The following MYSM1 variants were observed in gnomAD, a reference collection of about 807,000 sequenced individuals.
MYSM1 encodes Myb like, SWIRM and MPN domains 1, also known as deubiquitinase MYSM1.
In MYSM1, 51 loss-of-function variants were observed where a neutral mutation model predicts 116.0. The ratio of observed to expected loss-of-function variants is 0.44; its 90% CI spans 0.35 to 0.56. The LOEUF (loss-of-function observed/expected upper bound fraction) is 0.56, where lower values mean the gene tolerates loss of function less well. Ranked by LOEUF, MYSM1 falls within the 20% of genes least tolerant of loss-of-function variation. The pLI is 0.00. For missense variants in MYSM1, 900 were observed against 974.9 expected, an observed-to-expected ratio of 0.92 and a Z score of 1.02; for synonymous variants, 313 against 315.2, an observed-to-expected ratio of 0.99 and a Z score of 0.07.
At chr1:58,690,199 T>C (rs1644884094) in intron 5 of MYSM1, 27 bp downstream of exon 5, 1 of 1,467,912 alleles carries the variant, frequency 6.8e-7, no homozygotes, top group South Asian at 1.4e-5. Context: ...GAAAACAGAT[T>C]TATAAATATA....
intron 12 of MYSM1, among the ~76,000 whole-genome samples, chr1:58,671,139 G>A (rs558130313): frequency 1.6e-4 from 24 of 152,254 alleles, no homozygotes; most frequent in South Asian, 8.3e-4. Flanking sequence ...ACTTGACAGC[G>A]TGAGCAAGTT....
intron 10 of MYSM1, among the ~76,000 whole-genome samples, chr1:58,674,949 A>G (rs939714623): frequency 2.0e-5 from 3 of 151,724 alleles, no homozygotes; most frequent in Non-Finnish European, 2.9e-5. Flanking sequence ...AAAAGAAAAA[A>G]AAAGTGTTGG....
intron 1 of MYSM1, among the ~76,000 whole-genome samples, chr1:58,699,328 A>G (rs1314060110): frequency 6.6e-6 from 1 of 152,208 alleles, no homozygotes; most frequent in Non-Finnish European, 1.5e-5. Context: ...ATGCTAAAGC[A>G]TATCTCATAA....
intron 16 of MYSM1, 22 bp downstream of exon 16, chr1:58,667,015 GA>G (rs1437152205): frequency 6.7e-7 from 1 of 1,494,702 alleles, no homozygotes; most frequent in Admixed American, 1.8e-5. Context: ...ACCATTTACA[GA>G]ATATAAATAT....
intron 1 of MYSM1, among the ~76,000 whole-genome samples, chr1:58,697,256 C>G (rs1038256990): frequency 1.5e-5 from 2 of 137,286 alleles, no homozygotes; most frequent in African/African-American, 5.4e-5. Context: ...GTGAAGAGAT[C>G]TGGTGGGGAA....
intron 8 of MYSM1, 87 bp from the exon 9 acceptor site, chr1:58,677,143 T>C (rs1644666765): frequency 1.7e-6 from 2 of 1,209,664 alleles, no homozygotes; most frequent in African/African-American, 1.5e-5. Context: ...ATTTGAAATA[T>C]CTCTAAATTT....
In MYSM1 at chr1:58,690,260, T is replaced by C. The variant is rs1305636450; in HGVS notation, c.297-11A>G. ...GCTGTTTTCTGCAGACTGCATCACATGAAAAAAGAAAATAAGGAAGCGTGT... is the reference window on the plus strand; with the variant it reads ...GCTGTTTTCTGCAGACTGCATCACACGAAAAAAGAAAATAAGGAAGCGTGT... On this transcript the variant is annotated splice_polypyrimidine_tract_variant and intron_variant, in intron 4 of 19. Transcript: ENST00000472487. 2 of 1,574,296 alleles carry C rather than the reference T, an allele frequency of 1.3e-6. No individual in the cohort carries two copies. The highest frequency in any genetic ancestry group is 1.7e-6 in the Non-Finnish European group (2 of 1,163,698).
At chr1:58,687,068 G>C (rs566860983) in intron 6 of MYSM1, among the ~76,000 whole-genome samples, 1 of 151,874 alleles carries the variant, frequency 6.6e-6, no homozygotes, top group Non-Finnish European at 1.5e-5. Flanking sequence ...AAGGAAAAAA[G>C]CCTTTCTTCA....
chr1:58,682,939 C>T (rs1219593993), intron 7 of MYSM1, among the ~76,000 whole-genome samples: 1 of 152,130 alleles, frequency 6.6e-6, no homozygotes, highest in Non-Finnish European at 1.5e-5. Context: ...TTGTGATGCA[C>T]CTGCCTCGGC....
At position 58,695,316 on chromosome 1, in the gene MYSM1, A is replaced by T. The variant is rs941783504; in HGVS notation, c.69-109T>A. 7.0e-5 allele frequency: 39 copies of T among 557,888 alleles called. No homozygotes were observed. In the Admixed American group the frequency reaches 9.7e-4, roughly 14 times the overall value. 34.6% of individuals were successfully genotyped at this position (557,888 alleles called of 1,614,324 possible). ...TAGTAAGGGAACTAAGCAAATACTT[A>T]GTTCCCTTCTCCCCTTAACAAACAG... is the stretch of plus-strand genomic sequence containing the variant. On this transcript the variant is annotated intron_variant, in intron 1 of 19. Transcript: ENST00000472487.
rs753396816 is a variant in MYSM1 at position 58,655,081 on chromosome 1, CAT to C, written c.*4914_*4915del. On this transcript the variant is annotated 3_prime_UTR_variant, in exon 20 of 20. Transcript: ENST00000472487. ...GCAACAAGTTTATCAATAACCATGC[CAT>C]ATGTTTAGTAACTAACTTACTTATA... The C allele has an allele frequency of 3.5e-4, 54 of 152,226 alleles. No individual in the cohort carries two copies. The highest frequency in any genetic ancestry group is 1.7e-3 in the Admixed American group (26 of 15,296). The allele number at this position is 152,226 out of a possible 1,614,324, so 9.4% of individuals were successfully genotyped here.
rs1229725745 is a variant in MYSM1, at chr1:58,658,342, T to C, written c.*1655A>G. 6.6e-6 allele frequency: 1 copy of C among 152,168 alleles called. No homozygotes were observed. Among genetic ancestry groups the C allele is most frequent in the Non-Finnish European group, 1.5e-5 (1 of 68,030 alleles). 9.4% of individuals were successfully genotyped at this position (152,168 alleles called of 1,614,324 possible). A position where few individuals can be genotyped will look rare whatever the true frequency, so the allele number is the denominator to read the frequency against. On this transcript the variant is annotated 3_prime_UTR_variant, in exon 20 of 20. Transcript: ENST00000472487. ...ATGGAAAAATACTACCCTTTTTTTTTTAAATGTATGTTAATTTGGAAACTG... is the reference window on the plus strand; with the variant it reads ...ATGGAAAAATACTACCCTTTTTTTTCTAAATGTATGTTAATTTGGAAACTG...
chr1:58,698,923 A>G (rs1645022888), intron 1 of MYSM1, among the ~76,000 whole-genome samples: 1 of 152,186 alleles, frequency 6.6e-6, no homozygotes, highest in African/African-American at 2.4e-5. Flanking sequence ...CTGGGTTAGT[A>G]CTTCTCCCCT....
chr1:58,656,799 CCA>C lies in MYSM1; in HGVS notation c.*3196_*3197del, dbSNP rs1644324683. The C allele has an allele frequency of 1.3e-5, 2 of 152,138 alleles. No individual in the cohort carries two copies. The highest frequency in any genetic ancestry group is 4.8e-5 in the African/African-American group (2 of 41,420). 9.4% of individuals were successfully genotyped at this position (152,138 alleles called of 1,614,324 possible). On this transcript the variant is annotated 3_prime_UTR_variant, in exon 20 of 20. Transcript: ENST00000472487. ...ATCCATTAGGCACAGTACCTAAGGC[CCA>C]CAGTTTTTTAGAAGCCCACAAAAAT...
Position 58,692,924 on chromosome 1 carries a change from G to A in MYSM1, c.155C>T (p.Thr52Ile), listed in dbSNP as rs1386132301. Residue 52 changes from threonine to isoleucine, a missense_variant, in exon 3 of 20, where the codon ACC becomes ATC. Physicochemically the swap from Thr to Ile is moderately conservative, Grantham distance 89 (BLOSUM62 -1). Around this residue, in one of 3 missense-constraint regions of MYSM1, gnomAD observed 622 missense variants for 623.7 expected, o/e 1.00. Coordinates refer to ENST00000472487, the MANE Select transcript of MYSM1 (RefSeq NM_001085487.3). ...CTCTTCACTGATGGTGTTATCCAAG[G>A]TCCAAGGCTATTAAAAAAGAGAATA... Reference protein sequence around the residue: ...WRTENGLIPWTLDNTISEENR... With the variant: ...WRTENGLIPWILDNTISEENR... 6.3e-7 allele frequency: 1 copy of A among 1,594,200 alleles called. No homozygotes were observed. The highest frequency in any genetic ancestry group is 1.4e-5 in the African/African-American group (1 of 73,592).
chr1:58,693,796 T>C (rs1354329314), intron 2 of MYSM1, among the ~76,000 whole-genome samples: 1 of 152,242 alleles, frequency 6.6e-6, no homozygotes, highest in African/African-American at 2.4e-5. Context: ...AAATTAATTT[T>C]ATAAAAATAA....
At chr1:58,695,329 C>A in intron 1 of MYSM1, 122 bp from the exon 2 acceptor site, 1 of 573,304 alleles carries the variant, frequency 1.7e-6, no homozygotes, top group Non-Finnish European at 3.1e-6. Flanking sequence ...TCCCTTCTCC[C>A]CTTAACAAAC....
In MYSM1 at chr1:58,694,599, G is replaced by A. The variant is rs546885018; in HGVS notation, c.147+530C>T. On this transcript the variant is annotated intron_variant, in intron 2 of 19. Transcript: ENST00000472487. ...TCACGAAACTGCAGTTCAGCCTGGC[G>A]ACAAAGAGACTGCATCTCAAAAAAA... Among the ~76,000 whole-genome samples, 10 of 150,582 alleles carry A rather than the reference G, an allele frequency of 6.6e-5. 1 individual carries two copies. The highest frequency in any genetic ancestry group is 6.3e-4 in the South Asian group (3 of 4,750).
chr1:58,679,616 G>A (rs142486996), intron 8 of MYSM1, among the ~76,000 whole-genome samples: 10 of 152,050 alleles, frequency 6.6e-5, no homozygotes, highest in Admixed American at 2.0e-4. Flanking sequence ...ACAACACCGC[G>A]CCTAAGTTTT....
Sources: allele counts gnomAD v4.1 joint callset (sites outside exome capture counted in the v4.1 genomes callset), GRCh38; gene constraint gnomAD v4.1.1; regional missense constraint gnomAD v4.1.1; transcripts MANE v1.5; gene names NCBI Gene and HGNC (gene_info 2026-07-23, HGNC 2026-07-21).